METTL25: variants seen among roughly 807,000 people sequenced by gnomAD.
The protein encoded by METTL25 is methyltransferase like 25, also known as probable methyltransferase-like protein 25.
A neutral mutation model predicts 71.6 loss-of-function variants in METTL25; 64 were observed. The observed-to-expected ratio is 0.89, with a 90% CI of 0.73 to 1.10. METTL25 has a LOEUF of 1.10. Among genes scored for constraint, METTL25 ranks in the 50% least tolerant of loss-of-function variants. METTL25 has a pLI of 0.00. For synonymous variants in METTL25, 287 were observed against 250.3 expected (o/e 1.15, Z -1.38); for missense variants, 807 against 707.0 (o/e 1.14, Z -1.60).
chr12:82,375,437 G>A (rs896751484), intron 1 of METTL25, among the ~76,000 whole-genome samples: 1 of 24,676 alleles, frequency 4.1e-5, no homozygotes, highest in Non-Finnish European at 7.2e-5. Flanking sequence ...CTCTAGAGCT[G>A]TGAGGAAAAA....
At chr12:82,468,702 A>G (rs1892389795) in intron 9 of METTL25, 1 of 152,194 alleles carries the variant, frequency 6.6e-6, no homozygotes, top group South Asian at 2.1e-4. Flanking sequence ...GGAATTACGT[A>G]CCTTTTGAAA....
chr12:82,451,323 A>G, intron 8 of METTL25: 1 of 932,108 alleles, frequency 1.1e-6, no homozygotes, highest in Non-Finnish European at 1.3e-6. Flanking sequence ...CATTAAGAAC[A>G]TAAGCACAGG....
chr12:82,390,137 A>T (rs1266096409), intron 3 of METTL25, among the ~76,000 whole-genome samples: 2 of 152,128 alleles, frequency 1.3e-5, no homozygotes, highest in Non-Finnish European at 2.9e-5. Flanking sequence ...AAATCAAGAC[A>T]TGACTGTTAA....
chr12:82,382,113 A>C (rs997375200), intron 1 of METTL25, among the ~76,000 whole-genome samples: 3 of 152,210 alleles, frequency 2.0e-5, no homozygotes, highest in Non-Finnish European at 4.4e-5. Flanking sequence ...AGAACAAGGG[A>C]AAGGTTTTGG....
At chr12:82,388,897 T>C (rs750271394) in intron 2 of METTL25, 1 of 152,040 alleles carries the variant, frequency 6.6e-6, no homozygotes, top group Non-Finnish European at 1.5e-5. Context: ...AAGAAGGTGC[T>C]ACCTTCCATC....
intron 1 of METTL25, among the ~76,000 whole-genome samples, chr12:82,360,579 G>C (rs10778892): frequency 6.6e-6 from 1 of 151,818 alleles, no homozygotes; most frequent in African/African-American, 2.4e-5. Flanking sequence ...TGACTCTAAC[G>C]CTGAAAAGAT....
At chr12:82,362,207 A>T (rs548370459) in intron 1 of METTL25, among the ~76,000 whole-genome samples, 1 of 152,350 alleles carries the variant, frequency 6.6e-6, no homozygotes, top group South Asian at 2.1e-4. Flanking sequence ...TCTAAAAAGA[A>T]CTAGAATAAA....
chr12:82,477,244 G>A, intron 10 of METTL25, 37 bp from the exon 11 acceptor site: 2 of 906,924 alleles, frequency 2.2e-6, no homozygotes, highest in Non-Finnish European at 3.3e-6. Context: ...TTTTTTTTAA[G>A]TACCACCAAC....
At chr12:82,408,300 A>G (rs1887258275) in intron 5 of METTL25, among the ~76,000 whole-genome samples, 1 of 152,158 alleles carries the variant, frequency 6.6e-6, no homozygotes. Flanking sequence ...TTCATATGAC[A>G]GGTTAAACTC....
At chr12:82,379,620 G>A (rs138515558) in intron 1 of METTL25, among the ~76,000 whole-genome samples, 2 of 152,114 alleles carry the variant, frequency 1.3e-5, no homozygotes. Context: ...TTAAGGCATA[G>A]CTGAAATTAT....
intron 5 of METTL25, among the ~76,000 whole-genome samples, chr12:82,413,962 A>G (rs573236011): frequency 7.3e-5 from 11 of 151,530 alleles, no homozygotes; most frequent in Non-Finnish European, 1.3e-4. Context: ...AAGTAAAACT[A>G]GCAATAAAAA....
At chr12:82,406,431 TA>T (rs1472555219) in intron 5 of METTL25, among the ~76,000 whole-genome samples, 1 of 152,164 alleles carries the variant, frequency 6.6e-6, no homozygotes. Flanking sequence ...AACAAATGTA[TA>T]AACTGTTCAT....
At chr12:82,427,588 T>G (rs909885321) in intron 5 of METTL25, among the ~76,000 whole-genome samples, 7 of 151,902 alleles carry the variant, frequency 4.6e-5, no homozygotes, top group Admixed American at 2.0e-4. Flanking sequence ...GTTTTTAAAT[T>G]TTTGTTTCAT....
chr12:82,385,443 A>C (rs868464450), intron 1 of METTL25, among the ~76,000 whole-genome samples: 1 of 152,166 alleles, frequency 6.6e-6, no homozygotes, highest in South Asian at 2.1e-4. Context: ...GCATGGTTTC[A>C]TGAGGTGAAC....
intron 9 of METTL25, chr12:82,476,438 A>T (rs1023972772): frequency 6.7e-6 from 3 of 447,986 alleles, no homozygotes; most frequent in Non-Finnish European, 1.2e-5. Context: ...TTTATTTATG[A>T]TGTGCTGCAT....
chr12:82,449,989 G>A (rs1411950087), intron 8 of METTL25, among the ~76,000 whole-genome samples: 2 of 151,972 alleles, frequency 1.3e-5, no homozygotes, highest in African/African-American at 2.4e-5. Context: ...TTGTTAAATT[G>A]CGTGATCCAT....
chr12:82,403,833 G>A (rs1886848051), intron 5 of METTL25, among the ~76,000 whole-genome samples: 2 of 152,036 alleles, frequency 1.3e-5, no homozygotes, highest in Admixed American at 1.3e-4. Flanking sequence ...AGATTAGATG[G>A]TTATTTAGTA....
At chr12:82,460,687 A>G (rs779141856) in intron 9 of METTL25, among the ~76,000 whole-genome samples, 3 of 152,226 alleles carry the variant, frequency 2.0e-5, no homozygotes, top group Non-Finnish European at 4.4e-5. Context: ...AATCAAGACA[A>G]GTTTGAGAAA....
In METTL25 at chr12:82,379,357, C is replaced by T. The variant is rs1884201192; in HGVS notation, c.260-7446C>T. On this transcript the variant is annotated intron_variant, in intron 1 of 11. Transcript: ENST00000248306. The stretch of plus-strand genomic sequence containing the variant: ...TAGTATACTTTACATCACTTTTTAA[C>T]ATTTTACAATTTGAAATTTGTATTT... Among the ~76,000 whole-genome samples, 3 of 152,152 alleles carry T rather than the reference C, an allele frequency of 2.0e-5. No individual in the cohort carries two copies. The South Asian group carries it at 6.2e-4, about 31-fold the overall frequency.
Sources: allele counts gnomAD v4.1 joint callset (sites outside exome capture counted in the v4.1 genomes callset), GRCh38; gene constraint gnomAD v4.1.1; transcripts MANE v1.5; gene names NCBI Gene and HGNC (gene_info 2026-07-23, HGNC 2026-07-21).